Variants in WDR20 observed in about 807,000 individuals in gnomAD.
WDR20 encodes WD repeat domain 20, also known as WD repeat-containing protein 20.
WDR20 carries 3 observed loss-of-function variants against 38.7 expected under a neutral mutation model. The ratio of observed to expected loss-of-function variants is 0.08; its 90% CI spans 0.04 to 0.20. The LOEUF (loss-of-function observed/expected upper bound fraction) is 0.20. Ranked by LOEUF, WDR20 falls within the 10% of genes least tolerant of loss-of-function variation. WDR20 has a pLI of 1.00. For missense variants in WDR20, 559 were observed against 727.7 expected (o/e 0.77, Z 2.67); for synonymous variants, 298 against 285.6 (o/e 1.04, Z -0.44).
At chr14:102,169,164 A>G (rs1314074607) in intron 1 of WDR20, among the ~76,000 whole-genome samples, 1 of 151,992 alleles carries the variant, frequency 6.6e-6, no homozygotes, top group Non-Finnish European at 1.5e-5. Context: ...CCAATGGTAC[A>G]CGCTCTGCTT....
Position 102,201,610 on chromosome 14 carries a change from A to G in WDR20, c.432+6490A>G, listed in dbSNP as rs564562228. Among the ~76,000 whole-genome samples the G allele has an allele frequency of 1.2e-4, 18 of 151,238 alleles. 1 individual carries two copies. In the South Asian group the frequency reaches 1.9e-3, roughly 16 times the overall value. Reference sequence around the variant, plus strand: ...CTGTTTGGCCTGCAGAGCTGGAACTATGGGGAGGGCCGCGCTGAGCGTTGA... The same window carrying G: ...CTGTTTGGCCTGCAGAGCTGGAACTGTGGGGAGGGCCGCGCTGAGCGTTGA... On this transcript the variant is annotated intron_variant, in intron 2 of 2. Coordinates refer to ENST00000342702, the MANE Select transcript of WDR20 (RefSeq NM_144574.4).
intron 1 of WDR20, among the ~76,000 whole-genome samples, chr14:102,169,454 G>A (rs971019441): frequency 3.9e-5 from 6 of 152,174 alleles, no homozygotes; most frequent in African/African-American, 1.4e-4. Context: ...CTTTGTTGGT[G>A]AGATACCAGG....
intron 1 of WDR20, 26 bp downstream of exon 1, chr14:102,140,198 C>T (rs1374235069): frequency 1.9e-6 from 3 of 1,606,798 alleles, no homozygotes; most frequent in South Asian, 2.2e-5. Flanking sequence ...TCACCGGAGC[C>T]AGCCAGCGGC....
chr14:102,144,796 C>T (rs756628171), intron 1 of WDR20, among the ~76,000 whole-genome samples: 4 of 151,994 alleles, frequency 2.6e-5, no homozygotes, highest in East Asian at 1.9e-4. Flanking sequence ...CTCTGCCGCC[C>T]GGGCCCAAGT....
At chr14:102,202,372 G>GTTTTTTTT (rs5811062) in intron 2 of WDR20, among the ~76,000 whole-genome samples, 3 of 67,672 alleles carry the variant, frequency 4.4e-5, no homozygotes, top group South Asian at 1.6e-3. Flanking sequence ...CTGTATGGAG[G>GTTTTTTTT]TTTTTTTTTT....
intron 2 of WDR20, chr14:102,197,830 G>C: frequency 1.4e-6 from 1 of 702,800 alleles, no homozygotes; most frequent in Non-Finnish European, 2.6e-6. Context: ...CAGTGAGGAG[G>C]CTCTAGTAAC....
intron 1 of WDR20, among the ~76,000 whole-genome samples, chr14:102,150,564 C>G (rs139180151): frequency 2.0e-4 from 30 of 152,228 alleles, no homozygotes; most frequent in African/African-American, 7.2e-4. Flanking sequence ...CTGTTTTTTT[C>G]TTTAGTTGAC....
At chr14:102,178,372 A>G (rs2062619780) in intron 1 of WDR20, among the ~76,000 whole-genome samples, 1 of 144,846 alleles carries the variant, frequency 6.9e-6, no homozygotes, top group East Asian at 2.0e-4. Context: ...AGCCTGGGCT[A>G]CAGAGTGCGA....
intron 1 of WDR20, among the ~76,000 whole-genome samples, chr14:102,148,692 TGTGTGTGTGTG>T (rs1418982035): frequency 6.6e-6 from 1 of 151,282 alleles, no homozygotes; most frequent in Non-Finnish European, 1.5e-5. Context: ...TGTGTGTGTG[TGTGTGTGTGTG>T]TGTGTTTGGA....
At chr14:102,152,267 C>T (rs2056163653) in intron 1 of WDR20, among the ~76,000 whole-genome samples, 1 of 151,902 alleles carries the variant, frequency 6.6e-6, no homozygotes, top group East Asian at 1.9e-4. Flanking sequence ...ATCTGAACAT[C>T]CCTGGAAGTA....
downstream of WDR20, among the ~76,000 whole-genome samples, chr14:102,224,097 A>G (rs976134267): frequency 3.6e-5 from 5 of 139,052 alleles, no homozygotes; most frequent in African/African-American, 8.3e-5. Context: ...GCTGGAGTGC[A>G]GTGGCGCAAT....
At position 102,168,418 on chromosome 14, in the gene WDR20, C is replaced by CT. The variant is rs897702264; in HGVS notation, c.250-26510dup. ...TAATTTGGTATTTTTACCTGTCAGT[C>CT]TTTTTTTTTTGGTGTTCAGTTATAT... On this transcript the variant is annotated intron_variant, in intron 1 of 2. Transcript: ENST00000342702. 5.8e-4 allele frequency among the ~76,000 whole-genome samples: 85 copies of CT among 147,756 alleles called. 1 individual carries two copies. The highest frequency in any genetic ancestry group is 2.8e-3 in the South Asian group (13 of 4,618).
intron 1 of WDR20, among the ~76,000 whole-genome samples, chr14:102,147,417 G>A (rs923349545): frequency 6.6e-6 from 1 of 152,178 alleles, no homozygotes; most frequent in Non-Finnish European, 1.5e-5. Flanking sequence ...GTAGATATGA[G>A]CAATGGTGAG....
intron 1 of WDR20, among the ~76,000 whole-genome samples, chr14:102,188,458 G>A (rs1340051961): frequency 6.6e-6 from 1 of 152,140 alleles, no homozygotes; most frequent in Non-Finnish European, 1.5e-5. Flanking sequence ...GGAACTGGAG[G>A]GCTTCTTTTG....
intron 1 of WDR20, among the ~76,000 whole-genome samples, chr14:102,192,706 T>A (rs1321480399): frequency 1.3e-5 from 2 of 152,244 alleles, no homozygotes; most frequent in South Asian, 2.1e-4. Flanking sequence ...ACGTATTTTT[T>A]AATTTATATT....
At chr14:102,170,072 T>C (rs888718515) in intron 1 of WDR20, among the ~76,000 whole-genome samples, 1 of 152,196 alleles carries the variant, frequency 6.6e-6, no homozygotes, top group East Asian at 1.9e-4. Flanking sequence ...ATTACAGATA[T>C]AGTTTTCCTC....
intron 1 of WDR20, among the ~76,000 whole-genome samples, chr14:102,187,416 G>T (rs531359564): frequency 3.9e-5 from 6 of 152,034 alleles, no homozygotes; most frequent in African/African-American, 1.2e-4. Context: ...GGCTGGGGGG[G>T]GGCTCAGGAG....
At chr14:102,213,092 G>C, downstream of WDR20, 13 of 986,840 alleles carry the variant, frequency 1.3e-5, no homozygotes, top group Non-Finnish European at 1.6e-5. Context: ...AGGGCCAGGG[G>C]AGCTTCAACT....
At chr14:102,215,896 C>T (rs549188311), downstream of WDR20, among the ~76,000 whole-genome samples, 1 of 152,322 alleles carries the variant, frequency 6.6e-6, no homozygotes, top group South Asian at 2.1e-4. Flanking sequence ...CTGAGCAGCG[C>T]CCTGGCACCC....
Sources: gnomAD v4.1 joint callset for allele counts (sites outside exome capture counted in the v4.1 genomes callset) on GRCh38, gnomAD v4.1.1 for gene constraint, MANE v1.5 for transcripts, NCBI Gene and HGNC (gene_info 2026-07-23, HGNC 2026-07-21) for gene names.